NELL2: variants seen among roughly 807,000 people sequenced by gnomAD.
NELL2 encodes neural EGFL like 2, also known as protein kinase C-binding protein NELL2.
Under a neutral mutation model 109.6 loss-of-function variants are expected in NELL2, and 41 were observed. The ratio of observed to expected loss-of-function variants is 0.37; its 90% CI spans 0.29 to 0.49. The LOEUF is 0.49. Ranked by LOEUF, NELL2 falls within the 20% of genes least tolerant of loss-of-function variation. The probability of loss-of-function intolerance (pLI) is 0.98; values close to 1 mark genes in which losing one functional copy is unlikely to be tolerated. For missense variants in NELL2, 900 were observed against 1,008.3 expected, an observed-to-expected ratio of 0.89 and a Z score of 1.45; for synonymous variants, 355 against 344.7, an observed-to-expected ratio of 1.03 and a Z score of -0.33.
chr12:44,779,916 C>T lies in NELL2; in HGVS notation c.442G>A (p.Asp148Asn), dbSNP rs2136598033. The change falls in exon 4 of 20, where the codon GAC (aspartate) becomes AAC (asparagine). Residue 148 changes from aspartate (D) to asparagine (N), a missense_variant. Transcript: ENST00000429094. ...GCTAAGGAGAGCTTGTGCCACTTGTCATCAGCCAAAATGTAAGGAAACACT... is the reference window on the plus strand; with the variant it reads ...GCTAAGGAGAGCTTGTGCCACTTGTTATCAGCCAAAATGTAAGGAAACACT... ...TEVFPYILAD[D>N]KWHKLSLAIS... 2 of 1,613,932 alleles carry T rather than the reference C, an allele frequency of 1.2e-6. No homozygotes were observed. The highest frequency in any genetic ancestry group is 4.5e-5 in the East Asian group (2 of 44,876).
chr12:44,701,489 G>C (rs898882543), intron 12 of NELL2, among the ~76,000 whole-genome samples: 4 of 151,976 alleles, frequency 2.6e-5, no homozygotes, highest in African/African-American at 9.7e-5. Context: ...TTATGATTAG[G>C]CCAATTTTCA....
At chr12:44,810,572 G>A (rs1390609349) in intron 3 of NELL2, among the ~76,000 whole-genome samples, 1 of 152,068 alleles carries the variant, frequency 6.6e-6, no homozygotes, top group Non-Finnish European at 1.5e-5. Context: ...TGTAGCATCT[G>A]CTGATTTCCA....
chr12:44,765,597 T>C (rs903874855), intron 9 of NELL2, among the ~76,000 whole-genome samples: 1 of 152,198 alleles, frequency 6.6e-6, no homozygotes, highest in Non-Finnish European at 1.5e-5. Context: ...AAATATATAC[T>C]GTGGCTCAGA....
At chr12:44,569,120 G>A (rs1348749975) in intron 15 of NELL2, among the ~76,000 whole-genome samples, 3 of 152,098 alleles carry the variant, frequency 2.0e-5, no homozygotes, top group African/African-American at 7.2e-5. Context: ...ACTTATAAGT[G>A]AGAACAAGTG....
intron 1 of NELL2, among the ~76,000 whole-genome samples, chr12:44,907,455 T>C (rs1416383252): frequency 6.6e-6 from 1 of 152,074 alleles, no homozygotes; most frequent in Non-Finnish European, 1.5e-5. Context: ...ATAGGCCAAG[T>C]AAAATGAAGA....
chr12:44,618,838 C>A (rs971669600), intron 13 of NELL2, among the ~76,000 whole-genome samples: 2 of 152,168 alleles, frequency 1.3e-5, no homozygotes, highest in Admixed American at 1.3e-4. Flanking sequence ...GACTGCAAAG[C>A]ACTGTGCTAA....
intron 2 of NELL2, among the ~76,000 whole-genome samples, chr12:44,831,490 T>C (rs79112211): frequency 0.016 from 2,382 of 152,334 alleles, 59 homozygotes; most frequent in African/African-American, 0.054. Flanking sequence ...TACCTCTCTG[T>C]GGCAGATTGC....
intron 3 of NELL2, among the ~76,000 whole-genome samples, chr12:44,801,124 T>G (rs1416752043): frequency 6.6e-6 from 1 of 152,158 alleles, no homozygotes; most frequent in Non-Finnish European, 1.5e-5. Context: ...GTAGCTATTA[T>G]AGAAACGCCA....
At chr12:44,572,576 T>C (rs1392885370) in intron 15 of NELL2, among the ~76,000 whole-genome samples, 2 of 152,170 alleles carry the variant, frequency 1.3e-5, no homozygotes, top group Non-Finnish European at 2.9e-5. Context: ...CATTTTAACA[T>C]ATTTTCTGGA....
chr12:44,912,199 C>T (rs907223564), intron 1 of NELL2, among the ~76,000 whole-genome samples: 1 of 151,812 alleles, frequency 6.6e-6, no homozygotes, highest in African/African-American at 2.4e-5. Context: ...TGAGGAGAGA[C>T]AATGGATGAT....
At chr12:44,795,909 C>G (rs1048856546) in intron 3 of NELL2, among the ~76,000 whole-genome samples, 2 of 152,022 alleles carry the variant, frequency 1.3e-5, no homozygotes, top group African/African-American at 2.4e-5. Flanking sequence ...TTAGAAATAT[C>G]TTTTCTGATA....
At chr12:44,610,790 G>T (rs1189591493) in intron 14 of NELL2, 58 bp downstream of exon 14, 2 of 1,607,706 alleles carry the variant, frequency 1.2e-6, no homozygotes, top group South Asian at 1.1e-5. Context: ...TGTAGAGGAA[G>T]GTAGAGATGG....
chr12:44,906,987 T>C (rs1945726246), intron 1 of NELL2, among the ~76,000 whole-genome samples: 1 of 152,152 alleles, frequency 6.6e-6, no homozygotes, highest in East Asian at 1.9e-4. Flanking sequence ...TGGGAGGTAA[T>C]TGAATCACGC....
chr12:44,816,729 A>C (rs1400650327), intron 2 of NELL2, among the ~76,000 whole-genome samples: 1 of 152,252 alleles, frequency 6.6e-6, no homozygotes, highest in African/African-American at 2.4e-5. Context: ...GATATTGAAA[A>C]AAAGAATACG....
chr12:44,856,204 A>T (rs1944678893), intron 2 of NELL2, among the ~76,000 whole-genome samples: 1 of 152,214 alleles, frequency 6.6e-6, no homozygotes, highest in Non-Finnish European at 1.5e-5. Flanking sequence ...ACAAATATAT[A>T]GAGATGCTCC....
intron 11 of NELL2, among the ~76,000 whole-genome samples, chr12:44,704,097 A>G (rs551154677): frequency 6.6e-6 from 1 of 152,252 alleles, no homozygotes; most frequent in South Asian, 2.1e-4. Flanking sequence ...GACTTTATAA[A>G]TGCTATCTAG....
chr12:44,628,382 A>C lies in NELL2; in HGVS notation c.1445-17412T>G, dbSNP rs544871416. 3.3e-5 allele frequency among the ~76,000 whole-genome samples: 5 copies of C among 152,314 alleles called. No homozygotes were observed. In the East Asian group the frequency reaches 9.6e-4, roughly 29 times the overall value. Reference sequence around the variant, plus strand: ...CATGGTCGAGGGTGGTAAGCCACTTAGCTACTGCACTGAAACACAATCCAA... The same window carrying C: ...CATGGTCGAGGGTGGTAAGCCACTTCGCTACTGCACTGAAACACAATCCAA... On this transcript the variant is annotated intron_variant, in intron 13 of 19. Transcript: ENST00000429094.
chr12:44,874,197 C>A (rs1945247735), intron 2 of NELL2, among the ~76,000 whole-genome samples: 1 of 152,100 alleles, frequency 6.6e-6, no homozygotes, highest in Admixed American at 6.6e-5. Flanking sequence ...TTTTGCATAT[C>A]CAACTCTTTA....
intron 13 of NELL2, among the ~76,000 whole-genome samples, chr12:44,659,721 T>C (rs560629114): frequency 1.3e-5 from 2 of 152,232 alleles, no homozygotes; most frequent in Non-Finnish European, 2.9e-5. Context: ...TTCAATGCTA[T>C]AAAAAGTTAA....
Sources: gnomAD v4.1 joint callset for allele counts (sites outside exome capture counted in the v4.1 genomes callset) on GRCh38, gnomAD v4.1.1 for gene constraint, MANE v1.5 for transcripts, NCBI Gene and HGNC (gene_info 2026-07-23, HGNC 2026-07-21) for gene names.